Variants in SCAPER observed in about 807,000 individuals in gnomAD.
SCAPER encodes S-phase cyclin A associated protein in the ER, also known as S phase cyclin A-associated protein in the endoplasmic reticulum.
A neutral mutation model predicts 182.2 loss-of-function variants in SCAPER; 98 were observed. That is an observed-to-expected ratio of 0.54 (90% confidence interval 0.46 to 0.64). The LOEUF (loss-of-function observed/expected upper bound fraction) is 0.64, where lower values mean the gene tolerates loss of function less well. Ranked by LOEUF, SCAPER falls within the 30% of genes least tolerant of loss-of-function variation. The pLI is 0.00. For missense variants in SCAPER, 1,432 were observed against 1,690.0 expected (o/e 0.85, Z 2.68); for synonymous variants, 605 against 564.6 (o/e 1.07, Z -1.01).
At chr15:76,461,823 C>A (rs1464730060) in intron 25 of SCAPER, among the ~76,000 whole-genome samples, 1 of 152,140 alleles carries the variant, frequency 6.6e-6, no homozygotes, top group East Asian at 1.9e-4. Flanking sequence ...CATGAAGAAT[C>A]TGGATTCTGC....
intron 5 of SCAPER, among the ~76,000 whole-genome samples, chr15:76,813,864 A>G (rs986235170): frequency 6.6e-6 from 1 of 152,178 alleles, no homozygotes; most frequent in Non-Finnish European, 1.5e-5. Flanking sequence ...GTAAAAATTA[A>G]TACTGTTAAA....
rs1461891240 is a variant in SCAPER, at chr15:76,592,856, C to T, written c.2712-18572G>A. On this transcript the variant is annotated intron_variant, in intron 22 of 31. Coordinates refer to ENST00000563290, the MANE Select transcript of SCAPER (RefSeq NM_020843.4). The stretch of plus-strand genomic sequence containing the variant: ...CAGGAGATTCCCTTGGGTGCCTATG[C>T]CACCAGGGCCCTGGGTTTCAAGCAC... Among the ~76,000 whole-genome samples, 3 of 121,156 alleles carry T rather than the reference C, an allele frequency of 2.5e-5. 1 individual carries two copies. Among genetic ancestry groups the T allele is most frequent in the Non-Finnish European group, 6.0e-5 (3 of 49,764 alleles). 79.5% of individuals were successfully genotyped at this position (121,156 alleles called of 152,430 possible).
In SCAPER at chr15:76,632,752, T is replaced by C. The variant is rs189524967; in HGVS notation, c.2646-10923A>G. Reference sequence around the variant, plus strand: ...ATCTTCATGGATTTATTTCCTTTGATCTCTGAGGCTGCTGACTTTTTTTTT... The same window carrying C: ...ATCTTCATGGATTTATTTCCTTTGACCTCTGAGGCTGCTGACTTTTTTTTT... On this transcript the variant is annotated intron_variant, in intron 21 of 31. Transcript: ENST00000563290. Among the ~76,000 whole-genome samples, 836 of 151,234 alleles carry C rather than the reference T, an allele frequency of 5.5e-3. 3 individuals carry two copies. Among genetic ancestry groups the C allele is most frequent in the Non-Finnish European group, 9.1e-3 (616 of 67,818 alleles).
intron 26 of SCAPER, among the ~76,000 whole-genome samples, chr15:76,429,415 T>C (rs2046702291): frequency 6.6e-6 from 1 of 152,092 alleles, no homozygotes; most frequent in African/African-American, 2.4e-5. Context: ...GTGGGAAAGT[T>C]TGGAACTTCT....
chr15:76,464,447 C>CT lies in SCAPER; in HGVS notation c.3078+6764_3078+6765insA, dbSNP rs143120038. Among the ~76,000 whole-genome samples the CT allele has an allele frequency of 2.1e-3, 326 of 152,106 alleles. 1 individual carries two copies. Among genetic ancestry groups the CT allele is most frequent in the African/African-American group, 7.5e-3 (312 of 41,488 alleles). ...GTGTATACCCAAATCTGCATATTCT[C>CT]AAGTCCTGCAGTCAGCTCTGTGGAA... On this transcript the variant is annotated intron_variant, in intron 25 of 31. Transcript: ENST00000563290.
At chr15:76,852,175 G>A (rs1374141804) in intron 4 of SCAPER, among the ~76,000 whole-genome samples, 2 of 152,126 alleles carry the variant, frequency 1.3e-5, no homozygotes, top group Non-Finnish European at 2.9e-5. Context: ...CACAGGAGAA[G>A]CACCTAGATT....
intron 5 of SCAPER, among the ~76,000 whole-genome samples, chr15:76,816,238 C>T (rs969313402): frequency 2.6e-5 from 4 of 152,146 alleles, no homozygotes; most frequent in Non-Finnish European, 4.4e-5. Flanking sequence ...ACTTTATAAA[C>T]CTTTTAGTAT....
chr15:76,439,480 G>A (rs2047415385), intron 25 of SCAPER, among the ~76,000 whole-genome samples: 1 of 152,242 alleles, frequency 6.6e-6, no homozygotes, highest in African/African-American at 2.4e-5. Context: ...TTACTTGCCA[G>A]AGGTAAAATA....
At chr15:76,496,423 G>T (rs1047095069) in intron 24 of SCAPER, among the ~76,000 whole-genome samples, 2 of 152,090 alleles carry the variant, frequency 1.3e-5, no homozygotes, top group Non-Finnish European at 2.9e-5. Context: ...AGTAACATTT[G>T]AGAGTTATAA....
At chr15:76,719,430 T>C (rs138881927) in intron 17 of SCAPER, among the ~76,000 whole-genome samples, 1 of 152,256 alleles carries the variant, frequency 6.6e-6, no homozygotes, top group East Asian at 1.9e-4. Flanking sequence ...GATCAGAGGA[T>C]ACAAAACTGC....
chr15:76,555,097 TA>T (rs549768853), intron 23 of SCAPER, among the ~76,000 whole-genome samples: 8 of 151,976 alleles, frequency 5.3e-5, no homozygotes, highest in African/African-American at 1.7e-4. Context: ...TCAGCATTCT[TA>T]AAAAAAACTT....
chr15:76,839,458 A>G (rs950770281), intron 5 of SCAPER, among the ~76,000 whole-genome samples: 1 of 152,226 alleles, frequency 6.6e-6, no homozygotes, highest in Non-Finnish European at 1.5e-5. Context: ...CAAAACAAGA[A>G]AACTAGTTAG....
intron 2 of SCAPER, among the ~76,000 whole-genome samples, chr15:76,866,992 T>C (rs2072346917): frequency 6.6e-6 from 1 of 152,202 alleles, no homozygotes; most frequent in South Asian, 2.1e-4. Flanking sequence ...AGATCAGCCT[T>C]CAGTGAAAGT....
At chr15:76,489,429 T>C (rs1205346439) in intron 24 of SCAPER, among the ~76,000 whole-genome samples, 2 of 151,722 alleles carry the variant, frequency 1.3e-5, no homozygotes, top group Non-Finnish European at 2.9e-5. Context: ...TAAATTCCCC[T>C]TGCTGTCTTC....
chr15:76,657,610 A>C (rs1486745037), intron 21 of SCAPER, among the ~76,000 whole-genome samples: 1 of 151,500 alleles, frequency 6.6e-6, no homozygotes, highest in African/African-American at 2.4e-5. Flanking sequence ...AAAAGAAAGA[A>C]AGAAAGAAAA....
intron 4 of SCAPER, among the ~76,000 whole-genome samples, chr15:76,848,069 G>A (rs537634782): frequency 2.6e-5 from 4 of 152,180 alleles, no homozygotes; most frequent in South Asian, 2.1e-4. Flanking sequence ...GTGCAATGGC[G>A]TGATCTCAGC....
intron 2 of SCAPER, among the ~76,000 whole-genome samples, chr15:76,868,834 C>G (rs576420834): frequency 2.4e-4 from 36 of 151,978 alleles, no homozygotes; most frequent in Non-Finnish European, 4.7e-4. Context: ...CAAAACAAAC[C>G]TGGGCAAAAA....
At chr15:76,902,752 T>C (rs1325649168) in intron 1 of SCAPER, among the ~76,000 whole-genome samples, 1 of 152,100 alleles carries the variant, frequency 6.6e-6, no homozygotes, top group Non-Finnish European at 1.5e-5. Context: ...GTCTGGGCTG[T>C]GGTCAGGTAT....
chr15:76,580,595 T>TA (rs951706432), intron 22 of SCAPER, among the ~76,000 whole-genome samples: 6 of 151,024 alleles, frequency 4.0e-5, no homozygotes, highest in South Asian at 2.1e-4. Context: ...TCTCCACACA[T>TA]AAAAAAAAAT....
Sources: gnomAD v4.1 joint callset for allele counts (sites outside exome capture counted in the v4.1 genomes callset) on GRCh38, gnomAD v4.1.1 for gene constraint, MANE v1.5 for transcripts, NCBI Gene and HGNC (gene_info 2026-07-23, HGNC 2026-07-21) for gene names.